Variants in CTTNBP2NL observed in about 807,000 individuals in gnomAD.
CTTNBP2NL encodes CTTNBP2 N-terminal-like protein.
A neutral mutation model predicts 32.5 loss-of-function variants in CTTNBP2NL; 16 were observed. The ratio of observed to expected loss-of-function variants is 0.49; its 90% CI spans 0.33 to 0.75. The LOEUF (loss-of-function observed/expected upper bound fraction) is 0.75, where lower values mean the gene tolerates loss of function less well. Ranked by LOEUF, CTTNBP2NL falls within the 30% of genes least tolerant of loss-of-function variation. The pLI is 0.02. For missense variants in CTTNBP2NL, 645 were observed against 756.0 expected (o/e 0.85, Z 1.72); for synonymous variants, 298 against 289.4 (o/e 1.03, Z -0.30).
chr1:112,447,272 T>TA (rs35522134), intron 3 of CTTNBP2NL, among the ~76,000 whole-genome samples: 1,220 of 69,690 alleles, frequency 0.018, 37 homozygotes, highest in African/African-American at 0.038. Flanking sequence ...AGACTCCATC[T>TA]AAAAAAAAAA....
chr1:112,393,093 G>A (rs1416344268), upstream of CTTNBP2NL, among the ~76,000 whole-genome samples: 1 of 151,954 alleles, frequency 6.6e-6, no homozygotes, highest in Non-Finnish European at 1.5e-5. Context: ...CCTGACCTCA[G>A]GTGATCCACC....
intron 3 of CTTNBP2NL, among the ~76,000 whole-genome samples, chr1:112,441,837 T>G (rs1451705908): frequency 6.6e-6 from 1 of 152,234 alleles, no homozygotes; most frequent in Non-Finnish European, 1.5e-5. Flanking sequence ...TATTGCAGTT[T>G]TCTCTTTAGG....
chr1:112,431,790 T>G (rs1649574026), intron 3 of CTTNBP2NL, among the ~76,000 whole-genome samples: 1 of 152,038 alleles, frequency 6.6e-6, no homozygotes, highest in Admixed American at 6.6e-5. Context: ...ACAATAATAA[T>G]ATCTATGTAA....
intron 3 of CTTNBP2NL, among the ~76,000 whole-genome samples, chr1:112,437,521 TTTTTTG>T (rs1649771002): frequency 1.3e-5 from 2 of 152,246 alleles, no homozygotes; most frequent in Non-Finnish European, 2.9e-5. Flanking sequence ...TCCTTTGTTT[TTTTTTG>T]TTTGTTTTTG....
intron 1 of CTTNBP2NL, among the ~76,000 whole-genome samples, chr1:112,407,854 T>C (rs1648719536): frequency 7.1e-6 from 1 of 141,144 alleles, no homozygotes; most frequent in Non-Finnish European, 1.5e-5. Context: ...TTTTTTTTTT[T>C]TTTTTTTTGA....
At chr1:112,412,912 C>A (rs189027108) in intron 2 of CTTNBP2NL, among the ~76,000 whole-genome samples, 1 of 152,158 alleles carries the variant, frequency 6.6e-6, no homozygotes, top group African/African-American at 2.4e-5. Context: ...GTGTGGGTAA[C>A]CATGCCTAGC....
At chr1:112,436,118 G>A (rs1649722972) in intron 3 of CTTNBP2NL, among the ~76,000 whole-genome samples, 1 of 110,734 alleles carries the variant, frequency 9.0e-6, no homozygotes, top group Non-Finnish European at 1.8e-5. Flanking sequence ...TTGTTTGTTT[G>A]TTTGGCTTTC....
At chr1:112,439,404 T>C (rs1191176232) in intron 3 of CTTNBP2NL, among the ~76,000 whole-genome samples, 1 of 152,210 alleles carries the variant, frequency 6.6e-6, no homozygotes, top group Admixed American at 6.5e-5. Flanking sequence ...CATGTTTCTG[T>C]GTAATATCAG....
At chr1:112,449,316 G>A (rs2101030464) in intron 4 of CTTNBP2NL, 144 bp downstream of exon 4, 1 of 505,706 alleles carries the variant, frequency 2.0e-6, no homozygotes, top group Non-Finnish European at 3.5e-6. Context: ...TTATGTAAGA[G>A]CCAGGAGATA....
At chr1:112,455,732 A>G (rs1040805431) in intron 5 of CTTNBP2NL, among the ~76,000 whole-genome samples, 199 bp from the exon 6 acceptor site, 1 of 152,238 alleles carries the variant, frequency 6.6e-6, no homozygotes, top group African/African-American at 2.4e-5. Flanking sequence ...TATGGGAACT[A>G]GAAGTGCCTC....
intron 4 of CTTNBP2NL, 73 bp downstream of exon 4, chr1:112,449,245 C>T (rs1370516437): frequency 2.4e-6 from 2 of 842,506 alleles, no homozygotes; most frequent in Non-Finnish European, 3.7e-6. Context: ...TTCTTGTCAG[C>T]TGCCAGTTTT....
chr1:112,445,664 A>G (rs889928863), intron 3 of CTTNBP2NL, among the ~76,000 whole-genome samples: 4 of 152,196 alleles, frequency 2.6e-5, no homozygotes, highest in Non-Finnish European at 5.9e-5. Context: ...TGTAATTACT[A>G]TGCAAGTGAT....
At chr1:112,421,880 A>G (rs1288079641) in intron 3 of CTTNBP2NL, among the ~76,000 whole-genome samples, 3 of 152,192 alleles carry the variant, frequency 2.0e-5, no homozygotes, top group Non-Finnish European at 4.4e-5. Flanking sequence ...AAATACAGGG[A>G]TAATGCAGAA....
In CTTNBP2NL at chr1:112,443,862, T is replaced by C. The variant is rs375814535; in HGVS notation, c.100-5080T>C. On this transcript the variant is annotated intron_variant, in intron 3 of 5. Transcript: ENST00000271277. ...GTCATCTTTATCCAGAATGTTTGCTTTATTTCCAGTTGCTCAGGTTGCTAT... is the reference window on the plus strand; with the variant it reads ...GTCATCTTTATCCAGAATGTTTGCTCTATTTCCAGTTGCTCAGGTTGCTAT... Among the ~76,000 whole-genome samples, 10 of 152,356 alleles carry C rather than the reference T, an allele frequency of 6.6e-5. No homozygotes were observed. In the South Asian group the frequency reaches 2.1e-3, roughly 32 times the overall value.
At chr1:112,416,395 T>G in intron 3 of CTTNBP2NL, 131 bp downstream of exon 3, 1 of 578,438 alleles carries the variant, frequency 1.7e-6, no homozygotes, top group South Asian at 2.2e-5. Flanking sequence ...ATACTTGCCA[T>G]AGGTAGCCAC....
intron 3 of CTTNBP2NL, among the ~76,000 whole-genome samples, chr1:112,447,616 C>G (rs2488788): frequency 0.51 from 76,903 of 151,824 alleles, 22,194 homozygotes; most frequent in South Asian, 0.71. Flanking sequence ...AAGAAGAAGT[C>G]TTCAGATTTT....
intron 2 of CTTNBP2NL, among the ~76,000 whole-genome samples, chr1:112,413,773 C>T (rs996353582): frequency 2.6e-5 from 4 of 152,088 alleles, no homozygotes; most frequent in Non-Finnish European, 4.4e-5. Flanking sequence ...AGAGGCTGGG[C>T]GTGGTGGCTC....
At chr1:112,397,961 CAG>C (rs1454123835) in intron 1 of CTTNBP2NL, among the ~76,000 whole-genome samples, 9 of 152,184 alleles carry the variant, frequency 5.9e-5, no homozygotes, top group African/African-American at 2.2e-4. Flanking sequence ...CAGGTCTTCT[CAG>C]TGATTGTTTC....
chr1:112,411,063 A>G (rs1190401901), intron 1 of CTTNBP2NL, among the ~76,000 whole-genome samples: 1 of 152,188 alleles, frequency 6.6e-6, no homozygotes, highest in East Asian at 1.9e-4. Context: ...TTGGGCAGAA[A>G]TTGCTGGAAT....
Sources: gnomAD v4.1 joint callset for allele counts (sites outside exome capture counted in the v4.1 genomes callset) on GRCh38, gnomAD v4.1.1 for gene constraint, MANE v1.5 for transcripts, NCBI Gene and HGNC (gene_info 2026-07-23, HGNC 2026-07-21) for gene names.